Variants in MARVELD2 observed in about 807,000 individuals in gnomAD.
The protein encoded by MARVELD2 is MARVEL domain-containing protein 2.
MARVELD2 carries 49 observed loss-of-function variants against 57.6 expected under a neutral mutation model. That is an observed-to-expected ratio of 0.85 (90% CI 0.68 to 1.08). The LOEUF is 1.08. MARVELD2 is among the 50% of genes least tolerant of loss of function. The pLI, the probability that MARVELD2 is intolerant of heterozygous loss-of-function variation, is 0.00. For synonymous variants in MARVELD2, 238 were observed against 258.8 expected (o/e 0.92, Z 0.77); for missense variants, 606 against 701.1 (o/e 0.86, Z 1.53).
At chr5:69,424,662 A>T in intron 3 of MARVELD2, 26 bp downstream of exon 3, 1 of 1,540,858 alleles carries the variant, frequency 6.5e-7, no homozygotes, top group South Asian at 1.1e-5. Flanking sequence ...ACTTCATATT[A>T]TGCTTTAGAT....
chr5:69,438,601 T>C (rs1767228484), intron 5 of MARVELD2, among the ~76,000 whole-genome samples: 1 of 151,822 alleles, frequency 6.6e-6, no homozygotes, highest in African/African-American at 2.4e-5. Flanking sequence ...AAGTAAAAGT[T>C]AGCGGCCGGT....
chr5:69,438,138 G>A (rs1364299530), intron 5 of MARVELD2, among the ~76,000 whole-genome samples: 1 of 152,172 alleles, frequency 6.6e-6, no homozygotes, highest in Non-Finnish European at 1.5e-5. Context: ...TTTGGAGGCA[G>A]GTTCTCCCAC....
chr5:69,429,163 C>T (rs1766883695), intron 3 of MARVELD2, among the ~76,000 whole-genome samples: 1 of 152,092 alleles, frequency 6.6e-6, no homozygotes. Context: ...TGGCTTCTGT[C>T]CCACCTAGAG....
intron 2 of MARVELD2, among the ~76,000 whole-genome samples, 186 bp from the exon 3 acceptor site, chr5:69,424,415 G>GT (rs1224173095): frequency 1.3e-5 from 2 of 152,112 alleles, no homozygotes; most frequent in East Asian, 3.9e-4. Context: ...GGGAATTACA[G>GT]TTATCCCTCT....
chr5:69,423,839 T>A (rs1255767450), intron 2 of MARVELD2, among the ~76,000 whole-genome samples: 1 of 152,234 alleles, frequency 6.6e-6, no homozygotes, highest in Non-Finnish European at 1.5e-5. Context: ...TAAAAATGTG[T>A]CTTAGCATTT....
intron 6 of MARVELD2, among the ~76,000 whole-genome samples, chr5:69,441,321 AC>A (rs2150935145): frequency 6.6e-6 from 1 of 151,706 alleles, no homozygotes; most frequent in African/African-American, 2.4e-5. Context: ...AGCACTTTGT[AC>A]TTCTGCTTGA....
chr5:69,424,489 A>T, intron 2 of MARVELD2, 112 bp from the exon 3 acceptor site: 1 of 851,006 alleles, frequency 1.2e-6, no homozygotes, highest in Non-Finnish European at 2.0e-6. Flanking sequence ...CCCGTCAAGT[A>T]GAGGATCAAC....
intron 1 of MARVELD2, among the ~76,000 whole-genome samples, chr5:69,416,470 C>G (rs1766427787): frequency 6.6e-6 from 1 of 152,154 alleles, no homozygotes; most frequent in African/African-American, 2.4e-5. Flanking sequence ...CTCTTAACGT[C>G]TCTACCTGGA....
chr5:69,436,361 AAAAC>A (rs1767136768), intron 5 of MARVELD2, among the ~76,000 whole-genome samples: 1 of 151,272 alleles, frequency 6.6e-6, no homozygotes, highest in Admixed American at 6.6e-5. Flanking sequence ...AAAAAACCAA[AAAAC>A]AAACAAAAAA....
At chr5:69,419,254 T>G (rs1182788739) in intron 1 of MARVELD2, 117 bp from the exon 2 acceptor site, 1 of 1,037,168 alleles carries the variant, frequency 9.6e-7, no homozygotes, top group African/African-American at 1.6e-5. Flanking sequence ...TATATCATAA[T>G]AATTAGACAT....
intron 5 of MARVELD2, 79 bp downstream of exon 5, chr5:69,433,172 T>C: frequency 7.0e-7 from 1 of 1,437,014 alleles, no homozygotes; most frequent in Non-Finnish European, 9.5e-7. Flanking sequence ...TTTTTTTTTT[T>C]TTTTTCTGTG....
At chr5:69,416,458 C>T (rs990116177) in intron 1 of MARVELD2, among the ~76,000 whole-genome samples, 1 of 152,164 alleles carries the variant, frequency 6.6e-6, no homozygotes, top group African/African-American at 2.4e-5. Flanking sequence ...GCCTTGCTTG[C>T]CCTCTTAACG....
rs577732277 is a variant in MARVELD2 at position 69,416,600 on chromosome 5, C to CT, written c.-16+1431dup. Among the ~76,000 whole-genome samples the CT allele has an allele frequency of 3.2e-4, 48 of 152,272 alleles. No homozygotes were observed. In the East Asian group the frequency reaches 8.5e-3, roughly 27 times the overall value. On this transcript the variant is annotated intron_variant, in intron 1 of 6. Transcript: ENST00000325631. ...TGTCTGGGGTTTACTTCAGAGGACT[C>CT]TATTGGCAGAGGAAATAGTATGGGG...
chr5:69,418,349 C>G (rs144122081), intron 1 of MARVELD2, among the ~76,000 whole-genome samples: 183 of 152,242 alleles, frequency 1.2e-3, no homozygotes, highest in African/African-American at 4.2e-3. Flanking sequence ...TTCCTTCTTT[C>G]TGTATATGGG....
chr5:69,417,894 G>GCACCACT (rs1486879226), intron 1 of MARVELD2, among the ~76,000 whole-genome samples: 3 of 150,238 alleles, frequency 2.0e-5, no homozygotes, highest in African/African-American at 7.4e-5. Flanking sequence ...AGCCGAGATG[G>GCACCACT]CACCACTGCA....
At chr5:69,422,020 T>C (rs1228930533) in intron 2 of MARVELD2, among the ~76,000 whole-genome samples, 20 of 152,176 alleles carry the variant, frequency 1.3e-4, no homozygotes, top group South Asian at 8.3e-4. Context: ...GAAGATTTCA[T>C]GGACACTTAT....
At chr5:69,439,134 T>G (rs1767251276) in intron 5 of MARVELD2, among the ~76,000 whole-genome samples, 2 of 151,314 alleles carry the variant, frequency 1.3e-5, no homozygotes, top group African/African-American at 4.8e-5. Context: ...GAAAAAGTTC[T>G]CAGGCCAAGC....
chr5:69,424,722 C>A, intron 3 of MARVELD2, 86 bp downstream of exon 3: 2 of 1,093,764 alleles, frequency 1.8e-6, no homozygotes, highest in Non-Finnish European at 2.8e-6. Flanking sequence ...TAGTATCGTA[C>A]ATCTGTGAAA....
intron 6 of MARVELD2, among the ~76,000 whole-genome samples, chr5:69,441,014 G>C (rs1348603086): frequency 1.3e-5 from 2 of 152,092 alleles, no homozygotes; most frequent in African/African-American, 4.8e-5. Flanking sequence ...TGCCTGGGAG[G>C]CAGAGGTTGC....
Sources: gnomAD v4.1 joint callset for allele counts (sites outside exome capture counted in the v4.1 genomes callset) on GRCh38, gnomAD v4.1.1 for gene constraint, MANE v1.5 for transcripts, NCBI Gene and HGNC (gene_info 2026-07-23, HGNC 2026-07-21) for gene names.